SFI1: variants seen among roughly 807,000 people sequenced by gnomAD.
SFI1 encodes protein SFI1 homolog.
SFI1 carries 195 observed loss-of-function variants against 207.5 expected under a neutral mutation model. The observed-to-expected ratio is 0.94, with a 90% CI of 0.84 to 1.06. The LOEUF is 1.06. SFI1 is among the 50% of genes least tolerant of loss of function. The pLI is 0.00. For missense variants in SFI1, 1,634 were observed against 1,588.0 expected (o/e 1.03, Z -0.49); for synonymous variants, 630 against 598.9 (o/e 1.05, Z -0.76).
At chr22:31,568,725 G>A (rs114465713) in intron 8 of SFI1, among the ~76,000 whole-genome samples, 1 of 151,874 alleles carries the variant, frequency 6.6e-6, no homozygotes, top group Non-Finnish European at 1.5e-5. Context: ...CTTAACAAAA[G>A]CTAATGGAAT....
Position 31,616,983 on chromosome 22 carries a change from T to C in SFI1, c.3434-17T>C, listed in dbSNP as rs1476236062. 1.2e-6 allele frequency: 2 copies of C among 1,613,884 alleles called. No homozygotes were observed. The highest frequency in any genetic ancestry group is 2.2e-5 in the East Asian group (1 of 44,884). On this transcript the variant is annotated splice_polypyrimidine_tract_variant and intron_variant, in intron 30 of 32. Transcript: ENST00000400288. ...AGGGGAAAATAGTCTGAAACAAGCTTACTTCTGTCGCCATAGGCAGCCTGG... is the reference window on the plus strand; with the variant it reads ...AGGGGAAAATAGTCTGAAACAAGCTCACTTCTGTCGCCATAGGCAGCCTGG...
chr22:31,519,001 A>G (rs1365245138), intron 2 of SFI1, among the ~76,000 whole-genome samples: 4 of 152,180 alleles, frequency 2.6e-5, no homozygotes, highest in Admixed American at 6.6e-5. Context: ...TTTCTTCCAG[A>G]CTATGCCCTG....
chr22:31,608,371 T>C (rs542101605), intron 22 of SFI1, among the ~76,000 whole-genome samples: 5 of 152,230 alleles, frequency 3.3e-5, no homozygotes, highest in African/African-American at 1.2e-4. Flanking sequence ...TCTTGACATA[T>C]CGTTCCCTTC....
At chr22:31,521,704 T>G (rs1046619443) in intron 2 of SFI1, 1 of 152,220 alleles carries the variant, frequency 6.6e-6, no homozygotes, top group Non-Finnish European at 1.5e-5. Context: ...CCAGAGAGTT[T>G]ATGTTTTGTG....
At chr22:31,541,396 G>A (rs1569256106) in intron 4 of SFI1, among the ~76,000 whole-genome samples, 2 of 152,114 alleles carry the variant, frequency 1.3e-5, no homozygotes, top group Non-Finnish European at 2.9e-5. Flanking sequence ...GCGGCGTGGG[G>A]AATGGAAGGA....
Position 31,592,379 on chromosome 22 carries a change from C to T in SFI1, c.1544+2802C>T, listed in dbSNP as rs1469417769. Among the ~76,000 whole-genome samples, 5 of 81,140 alleles carry T rather than the reference C, an allele frequency of 6.2e-5. No homozygotes were observed. The East Asian group carries it at 2.1e-3, about 34-fold the overall frequency. The allele number at this position is 81,140 out of a possible 152,430, so 53.2% of individuals were successfully genotyped here. On this transcript the variant is annotated intron_variant, in intron 15 of 32. Coordinates refer to ENST00000400288, the MANE Select transcript of SFI1 (RefSeq NM_001007467.3). Reference sequence around the variant, plus strand: ...GGGCTGACCCCCCCCACCTCCCTCCCGGACGGGGCGGCTGGCCGGGCAGGG... The same window carrying T: ...GGGCTGACCCCCCCCACCTCCCTCCTGGACGGGGCGGCTGGCCGGGCAGGG...
chr22:31,590,975 ATTTATTTT>A (rs1556252510), intron 15 of SFI1, among the ~76,000 whole-genome samples: 57 of 137,334 alleles, frequency 4.2e-4, no homozygotes, highest in African/African-American at 1.4e-3. Flanking sequence ...TTATTTATTT[ATTTATTTT>A]TTTATTGATA....
At chr22:31,563,414 C>T (rs565340085) in intron 8 of SFI1, among the ~76,000 whole-genome samples, 1 of 152,076 alleles carries the variant, frequency 6.6e-6, no homozygotes, top group Non-Finnish European at 1.5e-5. Context: ...AACTTATAGA[C>T]TGACTGTGAA....
intron 12 of SFI1, among the ~76,000 whole-genome samples, chr22:31,582,924 T>C (rs2064527249): frequency 6.6e-6 from 1 of 152,186 alleles, no homozygotes; most frequent in South Asian, 2.1e-4. Context: ...TTATTTATTA[T>C]TATAATAATT....
chr22:31,512,026 A>G (rs960201158), intron 2 of SFI1, among the ~76,000 whole-genome samples: 7 of 152,156 alleles, frequency 4.6e-5, no homozygotes, highest in African/African-American at 1.7e-4. Flanking sequence ...GAAACAAACA[A>G]TGTAACCATA....
chr22:31,578,153 A>G (rs967967532), intron 10 of SFI1: 1 of 352,104 alleles, frequency 2.8e-6, no homozygotes, highest in Non-Finnish European at 5.1e-6. Flanking sequence ...GTCTCATCTC[A>G]TGGGCATTCA....
intron 15 of SFI1, among the ~76,000 whole-genome samples, chr22:31,592,403 G>T: frequency 1.4e-5 from 1 of 69,390 alleles, no homozygotes; most frequent in Non-Finnish European, 2.8e-5. Context: ...GGCCGGGCAG[G>T]GGGCTGACCC....
intron 15 of SFI1, among the ~76,000 whole-genome samples, chr22:31,596,824 C>T (rs1371330388): frequency 6.6e-6 from 1 of 151,530 alleles, no homozygotes; most frequent in Admixed American, 6.6e-5. Context: ...TGAAAACACG[C>T]ACACACAGTA....
chr22:31,512,320 A>C (rs1375012146), intron 2 of SFI1, among the ~76,000 whole-genome samples: 1 of 149,584 alleles, frequency 6.7e-6, no homozygotes, highest in Non-Finnish European at 1.5e-5. Context: ...GTGCCATTGC[A>C]CTCCAGCCAG....
chr22:31,569,607 C>A (rs2062740945), intron 8 of SFI1, among the ~76,000 whole-genome samples: 1 of 152,050 alleles, frequency 6.6e-6, no homozygotes, highest in Non-Finnish European at 1.5e-5. Context: ...TTTAAGTGAC[C>A]TAACAATTAA....
At chr22:31,537,459 G>A (rs1000609533) in intron 4 of SFI1, among the ~76,000 whole-genome samples, 2 of 152,172 alleles carry the variant, frequency 1.3e-5, no homozygotes, top group African/African-American at 4.8e-5. Context: ...TAGCTAACCT[G>A]CTACATTGCT....
At chr22:31,582,823 A>T (rs921990653) in intron 12 of SFI1, among the ~76,000 whole-genome samples, 1 of 152,250 alleles carries the variant, frequency 6.6e-6, no homozygotes, top group Non-Finnish European at 1.5e-5. Context: ...GTCCTTTTGC[A>T]ACTGGCTTAT....
chr22:31,531,178 T>C (rs755852386), intron 4 of SFI1, 49 bp downstream of exon 4: 9 of 1,480,166 alleles, frequency 6.1e-6, no homozygotes, highest in Non-Finnish European at 8.4e-6. Flanking sequence ...ATTCTAGGGT[T>C]TTCTTTTATA....
intron 12 of SFI1, among the ~76,000 whole-genome samples, chr22:31,582,214 A>ATATATAT (rs2064314473): frequency 4.0e-5 from 1 of 24,738 alleles, no homozygotes; most frequent in African/African-American, 1.6e-4. Context: ...TTTTATATAT[A>ATATATAT]TATATATATA....
Sources: allele counts gnomAD v4.1 joint callset (sites outside exome capture counted in the v4.1 genomes callset), GRCh38; gene constraint gnomAD v4.1.1; transcripts MANE v1.5; gene names NCBI Gene and HGNC (gene_info 2026-07-23, HGNC 2026-07-21).